KAZN: variants seen among roughly 807,000 people sequenced by gnomAD.
KAZN encodes the protein kazrin.
Under a neutral mutation model 87.4 loss-of-function variants are expected in KAZN, and 40 were observed. The ratio of observed to expected loss-of-function variants is 0.46; its 90% CI spans 0.36 to 0.60. KAZN has a LOEUF of 0.60. KAZN is among the 20% of genes least tolerant of loss of function. The pLI, the probability that KAZN is intolerant of heterozygous loss-of-function variation, is 0.00. For missense variants in KAZN, 898 were observed against 1,073.9 expected, an observed-to-expected ratio of 0.84 and a Z score of 2.29; for synonymous variants, 466 against 458.3, an observed-to-expected ratio of 1.02 and a Z score of -0.22.
At chr1:14,947,011 T>G (rs1411445264) in intron 1 of KAZN, among the ~76,000 whole-genome samples, 1 of 152,188 alleles carries the variant, frequency 6.6e-6, no homozygotes, top group Non-Finnish European at 1.5e-5. Context: ...GGCAAGCAGC[T>G]TCCATCTTTC....
intron 1 of KAZN, among the ~76,000 whole-genome samples, chr1:14,860,336 C>T (rs536476260): frequency 4.7e-4 from 71 of 152,148 alleles, no homozygotes; most frequent in Non-Finnish European, 8.7e-4. Flanking sequence ...GGATTACAGG[C>T]GTGCACCACC....
intron 1 of KAZN, among the ~76,000 whole-genome samples, chr1:14,151,470 G>T (rs1238243022): frequency 6.6e-6 from 1 of 152,138 alleles, no homozygotes; most frequent in Non-Finnish European, 1.5e-5. Flanking sequence ...TCAGGAATTG[G>T]CTATATTTCC....
intron 1 of KAZN, among the ~76,000 whole-genome samples, chr1:14,150,981 C>T (rs952406064): frequency 1.3e-5 from 2 of 152,012 alleles, no homozygotes; most frequent in South Asian, 2.1e-4. Flanking sequence ...CACACACACA[C>T]GTGTGGGTGT....
intron 1 of KAZN, among the ~76,000 whole-genome samples, chr1:14,160,747 C>T (rs1467521336): frequency 6.6e-6 from 1 of 152,106 alleles, no homozygotes; most frequent in Non-Finnish European, 1.5e-5. Context: ...CTAAAAGCCT[C>T]CCATTTATTT....
At chr1:14,633,109 G>C (rs1679697819) in intron 1 of KAZN, among the ~76,000 whole-genome samples, 1 of 152,028 alleles carries the variant, frequency 6.6e-6, no homozygotes, top group South Asian at 2.1e-4. Context: ...TAGATACAGG[G>C]TTTCACTGTG....
intron 1 of KAZN, among the ~76,000 whole-genome samples, chr1:14,134,759 C>G (rs538236555): frequency 1.8e-4 from 27 of 152,298 alleles, no homozygotes; most frequent in African/African-American, 6.5e-4. Flanking sequence ...ACTCTCGGAA[C>G]ACACTGGCCT....
chr1:14,259,308 T>C (rs986008386), intron 2 of KAZN, among the ~76,000 whole-genome samples: 1 of 151,994 alleles, frequency 6.6e-6, no homozygotes, highest in Admixed American at 6.6e-5. Context: ...GGGCTTTCTG[T>C]AGGAAGTATA....
At chr1:14,178,634 T>G (rs1025931293) in intron 1 of KAZN, among the ~76,000 whole-genome samples, 1 of 152,262 alleles carries the variant, frequency 6.6e-6, no homozygotes, top group African/African-American at 2.4e-5. Context: ...ATAGCCATGT[T>G]TGCTAATACT....
intron 2 of KAZN, among the ~76,000 whole-genome samples, chr1:14,384,331 G>T (rs1489916896): frequency 6.6e-6 from 1 of 151,932 alleles, no homozygotes; most frequent in African/African-American, 2.4e-5. Flanking sequence ...TAATTGCCCT[G>T]GCCAGAACTT....
At chr1:14,686,456 C>T (rs544449433) in intron 1 of KAZN, among the ~76,000 whole-genome samples, 80 of 152,356 alleles carry the variant, frequency 5.3e-4, no homozygotes, top group African/African-American at 1.7e-3. Flanking sequence ...ATGTGGTCCC[C>T]TCGCCTCTCC....
chr1:14,254,988 G>A (rs964963464), intron 2 of KAZN, among the ~76,000 whole-genome samples: 2 of 152,018 alleles, frequency 1.3e-5, no homozygotes, highest in Admixed American at 6.6e-5. Context: ...AGGTGTGGTG[G>A]CATGTGCCTG....
rs111271993 is a variant in KAZN at position 14,280,121 on chromosome 1, G to A, written c.249+99529G>A. On this transcript the variant is annotated intron_variant, in intron 2 of 16. Coordinates refer to the KAZN transcript ENST00000636203. ...CTCACACCTGTAATCCCAGCGCTTC[G>A]GGAGGCTGAGGTGGGTGGATCACAA... Among the ~76,000 whole-genome samples the A allele has an allele frequency of 2.4e-3, 366 of 152,156 alleles. 5 individuals carry two copies. The highest frequency in any genetic ancestry group is 8.4e-3 in the African/African-American group (350 of 41,496).
At chr1:14,521,366 G>C (rs1177911795) in intron 2 of KAZN, among the ~76,000 whole-genome samples, 1 of 152,178 alleles carries the variant, frequency 6.6e-6, no homozygotes, top group Non-Finnish European at 1.5e-5. Flanking sequence ...TGGGTCTGCT[G>C]TCCAAATGGC....
At position 14,006,531 on chromosome 1, in the gene KAZN, T is replaced by G. The variant is rs114275968; in HGVS notation, c.91+112775T>G. On this transcript the variant is annotated intron_variant, in intron 1 of 16. Transcript: ENST00000636203. ...TTTTTAGCATATTTTTGTGTAAGAT[T>G]AGGGTCCAGTTTTATTCTTTTGCAT... Among the ~76,000 whole-genome samples, 880 of 152,354 alleles carry G rather than the reference T, an allele frequency of 5.8e-3. 10 individuals are homozygous for G. The highest frequency in any genetic ancestry group is 0.02 in the African/African-American group (843 of 41,580).
At chr1:15,110,141 TTGTG>T (rs1641479788) in intron 13 of KAZN, among the ~76,000 whole-genome samples, 3 of 151,110 alleles carry the variant, frequency 2.0e-5, no homozygotes, top group Non-Finnish European at 1.5e-5. Flanking sequence ...GTCTGTGTAT[TTGTG>T]TATGTGTGTG....
At chr1:14,223,633 G>A (rs1340034090) in intron 2 of KAZN, among the ~76,000 whole-genome samples, 1 of 152,024 alleles carries the variant, frequency 6.6e-6, no homozygotes, top group East Asian at 1.9e-4. Context: ...TATTGTTTTT[G>A]CAAATATTAG....
intron 2 of KAZN, among the ~76,000 whole-genome samples, chr1:14,439,823 C>A (rs907073655): frequency 5.9e-5 from 9 of 152,184 alleles, no homozygotes; most frequent in African/African-American, 1.7e-4. Flanking sequence ...ATCACCAACG[C>A]TGACCTCTCA....
At chr1:14,736,842 C>G (rs912977188) in intron 1 of KAZN, among the ~76,000 whole-genome samples, 1 of 152,124 alleles carries the variant, frequency 6.6e-6, no homozygotes, top group African/African-American at 2.4e-5. Flanking sequence ...ATAGCTCCCA[C>G]TTCATTCATT....
chr1:14,162,609 G>A lies in KAZN; in HGVS notation c.92-17826G>A, dbSNP rs28708781. On this transcript the variant is annotated intron_variant, in intron 1 of 16. Coordinates refer to the KAZN transcript ENST00000636203. ...GCCCAGGCTGGAGTGCAGTGGCACGGTCTGGGCTCACTGCAAGCTCCACCT... is the reference window on the plus strand; with the variant it reads ...GCCCAGGCTGGAGTGCAGTGGCACGATCTGGGCTCACTGCAAGCTCCACCT... Among the ~76,000 whole-genome samples, 3 of 151,038 alleles carry A rather than the reference G, an allele frequency of 2.0e-5. No homozygotes were observed. The South Asian group carries it at 6.3e-4, about 32-fold the overall frequency.
Sources: allele counts gnomAD v4.1 joint callset (sites outside exome capture counted in the v4.1 genomes callset), GRCh38; gene constraint gnomAD v4.1.1; transcripts MANE v1.5; gene names NCBI Gene and HGNC (gene_info 2026-07-23, HGNC 2026-07-21).